Variants in PLXNA4 observed in about 807,000 individuals in gnomAD.
The protein encoded by PLXNA4 is plexin-A4.
Under a neutral mutation model 191.8 loss-of-function variants are expected in PLXNA4, and 44 were observed. That is an observed-to-expected ratio of 0.23 (90% CI 0.18 to 0.29). The LOEUF (loss-of-function observed/expected upper bound fraction) is 0.29, where lower values mean the gene tolerates loss of function less well. PLXNA4 is among the 10% of genes least tolerant of loss of function. PLXNA4 has a pLI of 1.00. For synonymous variants in PLXNA4, 1,082 were observed against 1,009.5 expected, an observed-to-expected ratio of 1.07 and a Z score of -1.36; for missense variants, 1,800 against 2,488.8, an observed-to-expected ratio of 0.72 and a Z score of 5.89.
rs1189639027 is a variant in PLXNA4 at position 132,202,660 on chromosome 7, G to T, written c.2572C>A (p.Pro858Thr). 6.5e-7 allele frequency: 1 copy of T among 1,535,062 alleles called. No homozygotes were observed. Among genetic ancestry groups the T allele is most frequent in the East Asian group, 2.4e-5 (1 of 42,218 alleles). ...CCCCGGCTTACCTCTGTGATGCGGG[G>T]GTTTGTGCACTTGCTTTTGGCACCA... The part of the protein sequence containing the change: ...LSGAKSKCTN[P>T]RITEIIPVTG... The change falls in exon 12 of 32, where the codon CCC becomes ACC. Residue 858 changes from proline to threonine, a missense_variant. This residue lies in a region of PLXNA4 where 1,397 missense variants were observed against 1,880.4 expected (regional missense o/e 0.74). Transcript: ENST00000321063.
intron 21 of PLXNA4, among the ~76,000 whole-genome samples, chr7:132,170,059 TGTATACAGCAGTAACGAG>T (rs1267600599): frequency 6.6e-6 from 1 of 152,046 alleles, no homozygotes; most frequent in East Asian, 1.9e-4. Context: ...AGGAGTGTCA[TGTATACAGCAGTAACGAG>T]CCTGGTTTCA....
Position 132,277,074 on chromosome 7 carries a change from C to G in PLXNA4, c.1503+21017G>C, listed in dbSNP as rs528598346. Among the ~76,000 whole-genome samples the G allele has an allele frequency of 2.0e-5, 3 of 152,278 alleles. No individual in the cohort carries two copies. The South Asian group carries it at 6.2e-4, about 32-fold the overall frequency. On this transcript the variant is annotated intron_variant, in intron 4 of 31. Coordinates refer to ENST00000321063, the MANE Select transcript of PLXNA4 (RefSeq NM_020911.2). ...GATTGAGAAGATATTAGTGAGGAAG[C>G]AGGAGAGGAAGGAGTCACTTGGCCC...
chr7:132,224,979 G>A (rs1230009304), intron 8 of PLXNA4, among the ~76,000 whole-genome samples: 1 of 152,196 alleles, frequency 6.6e-6, no homozygotes, highest in Non-Finnish European at 1.5e-5. Context: ...TTTGCTCTGT[G>A]GAACTCTGGG....
In PLXNA4 at chr7:132,168,534, C is replaced by T. The variant is rs1437166820; in HGVS notation, c.4056G>A (p.Leu1352=). ...GYRQERVEKG[L]KLFAQLINNK... is the part of the protein sequence containing the mutation. Reference sequence around the variant, plus strand: ...TGTTGATGAGCTGGGCGAAGAGCTTCAGGCCTTTCTCCACACGCTCCTGCC... The same window carrying T: ...TGTTGATGAGCTGGGCGAAGAGCTTTAGGCCTTTCTCCACACGCTCCTGCC... Residue 1352 remains leucine (L), a synonymous_variant, in exon 22 of 32, where the codon CTG becomes CTA. Transcript: ENST00000321063. 6.2e-7 allele frequency: 1 copy of T among 1,606,818 alleles called. No individual in the cohort carries two copies. The highest frequency in any genetic ancestry group is 1.3e-5 in the African/African-American group (1 of 74,990).
chr7:132,471,262 G>A (rs1484570532), intron 3 of PLXNA4, among the ~76,000 whole-genome samples: 2 of 152,304 alleles, frequency 1.3e-5, no homozygotes, highest in East Asian at 1.9e-4. Flanking sequence ...GTAGGACCAT[G>A]AGCCAATTAC....
At chr7:132,295,536 T>G (rs1801044205) in intron 4 of PLXNA4, among the ~76,000 whole-genome samples, 1 of 152,174 alleles carries the variant, frequency 6.6e-6, no homozygotes, top group African/African-American at 2.4e-5. Flanking sequence ...CTGGAATTAG[T>G]CTTGATACCC....
At position 132,298,813 on chromosome 7, in the gene PLXNA4, C is replaced by T. The variant is rs532445261; in HGVS notation, c.1372-591G>A. 1.9e-4 allele frequency among the ~76,000 whole-genome samples: 29 copies of T among 152,320 alleles called. No individual in the cohort carries two copies. In the South Asian group the frequency reaches 6.0e-3, roughly 32 times the overall value. ...AACCTTCTAGAGGTTTTGTTCACGT[C>T]CCCAGCAAAAGGGATGTGGGAATTA... is the stretch of plus-strand genomic sequence containing the variant. On this transcript the variant is annotated intron_variant, in intron 3 of 31. Transcript: ENST00000321063.
intron 4 of PLXNA4, among the ~76,000 whole-genome samples, chr7:132,294,454 T>C (rs1435562833): frequency 2.0e-5 from 3 of 152,132 alleles, no homozygotes; most frequent in Non-Finnish European, 2.9e-5. Flanking sequence ...ACTTTGGTCA[T>C]TGAAAGGATT....
At chr7:132,629,470 C>G (rs1803449970) in intron 2 of PLXNA4, among the ~76,000 whole-genome samples, 1 of 152,126 alleles carries the variant, frequency 6.6e-6, no homozygotes, top group Non-Finnish European at 1.5e-5. Flanking sequence ...ATGCCTAGAC[C>G]CTCTCCTGAA....
intron 3 of PLXNA4, among the ~76,000 whole-genome samples, chr7:132,471,927 G>C (rs1227656032): frequency 1.3e-5 from 2 of 152,158 alleles, no homozygotes; most frequent in Non-Finnish European, 2.9e-5. Context: ...AATACATCGA[G>C]TGTGCTTTAT....
At chr7:132,225,722 T>C (rs1418737027) in intron 8 of PLXNA4, among the ~76,000 whole-genome samples, 1 of 152,134 alleles carries the variant, frequency 6.6e-6, no homozygotes, top group Admixed American at 6.5e-5. Flanking sequence ...GTTAGACCAC[T>C]TGCCCCAATC....
At chr7:132,408,381 T>C (rs1428385726) in intron 3 of PLXNA4, among the ~76,000 whole-genome samples, 1 of 152,152 alleles carries the variant, frequency 6.6e-6, no homozygotes, top group Non-Finnish European at 1.5e-5. Flanking sequence ...ACATTTCTTA[T>C]AGATTTCTAA....
chr7:132,261,767 C>G (rs139852394), intron 4 of PLXNA4, among the ~76,000 whole-genome samples: 3 of 152,308 alleles, frequency 2.0e-5, no homozygotes, highest in Admixed American at 6.5e-5. Flanking sequence ...TGGGTAGCAG[C>G]CACTCTGCCC....
At chr7:132,637,881 G>T (rs948098700) in intron 2 of PLXNA4, among the ~76,000 whole-genome samples, 1 of 152,152 alleles carries the variant, frequency 6.6e-6, no homozygotes, top group Non-Finnish European at 1.5e-5. Context: ...AAGCTTGTAC[G>T]TTGGCTCAGT....
In PLXNA4 at chr7:132,202,811, C is replaced by T. The variant is rs1797484206; in HGVS notation, c.2421G>A (p.Met807Ile). 1 of 1,599,586 alleles carries T rather than the reference C, an allele frequency of 6.3e-7. No individual in the cohort carries two copies. Among genetic ancestry groups the T allele is most frequent in the Non-Finnish European group, 8.5e-7 (1 of 1,173,052 alleles). The change falls in exon 12 of 32, where the codon ATG becomes ATA. Residue 807 changes from methionine to isoleucine, a missense_variant. By Grantham distance (10) the Met-to-Ile change is conservative (BLOSUM62 1). Transcript: ENST00000321063. Reference sequence around the variant, plus strand: ...TGAGGCACAGCCCGCAGCTCTCACGCATGGCTCCACACTTGTAGAGGTGAA... The same window carrying T: ...TGAGGCACAGCCCGCAGCTCTCACGTATGGCTCCACACTTGTAGAGGTGAA... ...NKVHLYKCGA[M>I]RESCGLCLKA...
At chr7:132,328,705 C>T (rs920266736) in intron 3 of PLXNA4, among the ~76,000 whole-genome samples, 1 of 152,188 alleles carries the variant, frequency 6.6e-6, no homozygotes, top group African/African-American at 2.4e-5. Context: ...CCAGGAGCTG[C>T]CCTGTAGGAT....
intron 3 of PLXNA4, among the ~76,000 whole-genome samples, chr7:132,425,492 G>C (rs929773729): frequency 6.6e-6 from 1 of 152,004 alleles, no homozygotes; most frequent in African/African-American, 2.4e-5. Flanking sequence ...GGAACCCCAG[G>C]CCCCTCCTGG....
At chr7:132,614,414 G>C (rs552621744) in intron 2 of PLXNA4, among the ~76,000 whole-genome samples, 1 of 152,350 alleles carries the variant, frequency 6.6e-6, no homozygotes, top group East Asian at 1.9e-4. Flanking sequence ...GTGGGTTTAA[G>C]CAGGCCCACC....
At chr7:132,625,994 T>C (rs1200612095) in intron 2 of PLXNA4, among the ~76,000 whole-genome samples, 1 of 152,060 alleles carries the variant, frequency 6.6e-6, no homozygotes, top group Non-Finnish European at 1.5e-5. Context: ...TTTAAGCAGG[T>C]CTTCTCCCCT....
Sources: allele counts gnomAD v4.1 joint callset (sites outside exome capture counted in the v4.1 genomes callset), GRCh38; gene constraint gnomAD v4.1.1; regional missense constraint gnomAD v4.1.1; transcripts MANE v1.5; gene names NCBI Gene and HGNC (gene_info 2026-07-23, HGNC 2026-07-21).